Variants in YIF1B observed in about 807,000 individuals in gnomAD.
YIF1B encodes Yip1 interacting factor homolog B, membrane trafficking protein.
A neutral mutation model predicts 34.6 loss-of-function variants in YIF1B; 24 were observed. The observed-to-expected ratio is 0.69, with a 90% confidence interval of 0.50 to 0.98. The LOEUF (loss-of-function observed/expected upper bound fraction) is 0.98. YIF1B is among the 50% of genes least tolerant of loss of function. The pLI is 0.00. For missense variants in YIF1B, 368 were observed against 429.4 expected, an observed-to-expected ratio of 0.86 and a Z score of 1.26; for synonymous variants, 186 against 184.8, an observed-to-expected ratio of 1.01 and a Z score of -0.05.
intron 1 of YIF1B, chr19:38,309,995 G>GCCAT (rs1969252182): frequency 1.5e-5 from 1 of 66,884 alleles, no homozygotes; most frequent in Admixed American, 2.6e-4. Context: ...CATCCATCCA[G>GCCAT]CCATCCATCC....
Position 38,304,229 on chromosome 19 carries a change from C to T in YIF1B, c.*1123G>A. 6.2e-7 allele frequency: 1 copy of T among 1,613,122 alleles called. No homozygotes were observed. Among genetic ancestry groups the T allele is most frequent in the Non-Finnish European group, 8.5e-7 (1 of 1,179,944 alleles). On this transcript the variant is annotated 3_prime_UTR_variant, in exon 8 of 8. Coordinates refer to ENST00000339413, the MANE Select transcript of YIF1B (RefSeq NM_001039672.3). ...CCGCTCCTCTGCAGGGCCCAGGCGC[C>T]CTTGGCCTTAGGACCCAACTTCTCT...
intron 6 of YIF1B, 23 bp downstream of exon 6, chr19:38,307,574 G>A (rs759485890): frequency 6.2e-7 from 1 of 1,613,714 alleles, no homozygotes; most frequent in South Asian, 1.1e-5. Flanking sequence ...GCTGGGGCTG[G>A]CGTGAAGGGC....
chr19:38,305,332 G>A lies in YIF1B; in HGVS notation c.*20C>T, dbSNP rs751328040. 28 of 1,594,360 alleles carry A rather than the reference G, an allele frequency of 1.8e-5. 1 individual carries two copies. In the Admixed American group the frequency reaches 3.9e-4, roughly 22 times the overall value. On this transcript the variant is annotated 3_prime_UTR_variant, in exon 8 of 8. Coordinates refer to ENST00000339413, the MANE Select transcript of YIF1B (RefSeq NM_001039672.3). Reference sequence around the variant, plus strand: ...GGCCCCCAGCAGCAGCAGCAGCAGCGGGAGGTTCAGCGGGCGCGCTCACCG... The same window carrying A: ...GGCCCCCAGCAGCAGCAGCAGCAGCAGGAGGTTCAGCGGGCGCGCTCACCG...
chr19:38,306,495 G>A (rs937129694), intron 7 of YIF1B, among the ~76,000 whole-genome samples: 1 of 151,926 alleles, frequency 6.6e-6, no homozygotes, highest in Admixed American at 6.6e-5. Context: ...ACAGATGTGA[G>A]TCACGTGCTT....
At position 38,305,462 on chromosome 19, in the gene YIF1B, C is replaced by T; in HGVS notation, c.835G>A (p.Gly279Arg). The T allele has an allele frequency of 6.2e-7, 1 of 1,609,032 alleles. No individual in the cohort carries two copies. The highest frequency in any genetic ancestry group is 8.5e-7 in the Non-Finnish European group (1 of 1,177,254). ...LKILADAAAE[G>R]VPVRGARNQL... The stretch of plus-strand genomic sequence containing the variant: ...TTCCGGGCCCCACGCACCGGGACCC[C>T]CTCAGCTGCTGCGTCTGCCAAGATC... Residue 279 changes from glycine (G) to arginine (R), a missense_variant, in exon 8 of 8, where the codon GGG becomes AGG. Gly to Arg is a moderately radical substitution (Grantham distance 125). Transcript: ENST00000339413.
chr19:38,309,791 G>A (rs1308165575), intron 1 of YIF1B, 148 bp from the exon 2 acceptor site: 6 of 1,437,094 alleles, frequency 4.2e-6, no homozygotes, highest in Middle Eastern at 2.5e-4. Context: ...CAGATGGACT[G>A]GCAGGTGCAA....
intron 1 of YIF1B, among the ~76,000 whole-genome samples, chr19:38,311,104 T>C (rs1969310166): frequency 6.6e-6 from 1 of 151,830 alleles, no homozygotes; most frequent in Non-Finnish European, 1.5e-5. Context: ...CTGGGCAACA[T>C]GGCGAGACCC....
At chr19:38,315,438 C>T (rs1969506002) in intron 1 of YIF1B, 1 of 1,311,642 alleles carries the variant, frequency 7.6e-7, no homozygotes, top group Non-Finnish European at 9.7e-7. Context: ...GATGAAGAGA[C>T]AGGAAAAGGG....
chr19:38,321,780 G>A (rs975041574), upstream of YIF1B, among the ~76,000 whole-genome samples: 3 of 152,160 alleles, frequency 2.0e-5, no homozygotes, highest in South Asian at 2.1e-4. Flanking sequence ...CTGCCAGGGC[G>A]GCCTGACCTG....
upstream of YIF1B, among the ~76,000 whole-genome samples, chr19:38,319,093 A>G (rs892717575): frequency 3.3e-5 from 5 of 151,318 alleles, no homozygotes; most frequent in African/African-American, 9.7e-5. Flanking sequence ...TGCTTCCCTC[A>G]TCACAGCCCT....
chr19:38,320,568 T>G (rs1335228510), upstream of YIF1B, among the ~76,000 whole-genome samples: 1 of 151,920 alleles, frequency 6.6e-6, no homozygotes, highest in Non-Finnish European at 1.5e-5. Context: ...TCTTTTCTTT[T>G]TCTTTTTTTG....
rs775764032 is a variant in YIF1B at position 38,309,239 on chromosome 19, G to A, written c.387C>T (p.Phe129=). Residue 129 remains phenylalanine, a synonymous_variant, in exon 3 of 8, where the codon TTC becomes TTT. Transcript: ENST00000339413. ...YVGRKLGLLF[F]PYLHQDWEVQ... ...GGGTGCTGACCTGGTGTAGGTAGGG[G>A]AAGAACAGCAGGCCCAGCTTTCTGC... 6.2e-6 allele frequency: 10 copies of A among 1,613,918 alleles called. No homozygotes were observed. The highest frequency in any genetic ancestry group is 1.7e-5 in the Admixed American group (1 of 59,998).
chr19:38,312,186 G>A (rs1969352750), intron 1 of YIF1B, among the ~76,000 whole-genome samples: 1 of 151,748 alleles, frequency 6.6e-6, no homozygotes, highest in African/African-American at 2.4e-5. Context: ...CACTTTGCGA[G>A]GCTGAGACAG....
chr19:38,311,629 C>A (rs1287305307), intron 1 of YIF1B, among the ~76,000 whole-genome samples: 3 of 151,856 alleles, frequency 2.0e-5, no homozygotes, highest in East Asian at 3.9e-4. Context: ...TGTGGCCTCA[C>A]GTGGGGAACA....
upstream of YIF1B, chr19:38,315,973 C>A (rs1334763928): frequency 1.5e-6 from 2 of 1,373,566 alleles, no homozygotes; most frequent in South Asian, 3.3e-5. Flanking sequence ...GGCTCCCGTA[C>A]CCACGCCCCG....
chr19:38,304,883 G>T lies in YIF1B; in HGVS notation c.*469C>A. On this transcript the variant is annotated 3_prime_UTR_variant, in exon 8 of 8. Transcript: ENST00000339413. ...GCTCCAAGCAGCACGAGAGCATCCC[G>T]GGCAAGGCCAAGAAGCCCAAAGTGA... The T allele has an allele frequency of 6.2e-7, 1 of 1,613,596 alleles. No individual in the cohort carries two copies. The highest frequency in any genetic ancestry group is 1.1e-5 in the South Asian group (1 of 91,076).
chr19:38,308,774 G>A lies in YIF1B; in HGVS notation c.539+18C>T. 6.2e-7 allele frequency: 1 copy of A among 1,613,734 alleles called. No homozygotes were observed. Among genetic ancestry groups the A allele is most frequent in the Non-Finnish European group, 8.5e-7 (1 of 1,179,812 alleles). On this transcript the variant is annotated intron_variant, in intron 5 of 7. Coordinates refer to ENST00000339413, the MANE Select transcript of YIF1B (RefSeq NM_001039672.3). ...TCCCAAACCCCACCTTATTCGGCCT[G>A]CCCCAGGCCTCCCTTACCTATCCTG... is the stretch of plus-strand genomic sequence containing the variant.
chr19:38,306,927 C>T (rs919737511), intron 7 of YIF1B: 37 of 467,032 alleles, frequency 7.9e-5, no homozygotes, highest in African/African-American at 6.6e-4. Flanking sequence ...GTGATCCGAC[C>T]GCCTCGGCCT....
intron 7 of YIF1B, 163 bp downstream of exon 7, chr19:38,307,265 C>T (rs1181231550): frequency 2.9e-6 from 2 of 700,166 alleles, no homozygotes; most frequent in Non-Finnish European, 4.8e-6. Context: ...CCCCCTCTTC[C>T]AGGAAGCCCT....
Sources: gnomAD v4.1 joint callset for allele counts (sites outside exome capture counted in the v4.1 genomes callset) on GRCh38, gnomAD v4.1.1 for gene constraint, MANE v1.5 for transcripts, NCBI Gene and HGNC (gene_info 2026-07-23, HGNC 2026-07-21) for gene names.